Variants in PAGE4 observed in about 807,000 individuals in gnomAD.
PAGE4 encodes PAGE family member 4.
Under a neutral mutation model 8.5 loss-of-function variants are expected in PAGE4, and 1 was observed. That is an observed-to-expected ratio of 0.12 (90% CI 0.04 to 0.56). PAGE4 has a LOEUF of 0.56. Ranked by LOEUF, PAGE4 falls within the 20% of genes least tolerant of loss-of-function variation. The pLI is 0.91. For missense variants in PAGE4, 93 were observed against 82.7 expected (o/e 1.13, Z -0.49); for synonymous variants, 26 against 26.3 (o/e 0.99, Z 0.04).
chrX:49,830,711 GAA>G (rs1557156452), intron 2 of PAGE4: 6 of 431,997 alleles, frequency 1.4e-5, no homozygotes, highest in African/African-American at 2.5e-5. Flanking sequence ...TAAGAGTCTG[GAA>G]ATAGTCTTAT....
rs1923555421 is a variant in PAGE4, at chrX:49,834,055, A to G, written c.*193A>G. ...TTTAAAAAATCCTTGTGTTCTGTTT[A>G]GAGCTGGTATATATTTTTGTATACT... On this transcript the variant is annotated 3_prime_UTR_variant, in exon 5 of 5. Transcript: ENST00000218068. 1 of 401,112 alleles carries G rather than the reference A, an allele frequency of 2.5e-6. No individual in the cohort carries two copies. Among genetic ancestry groups the G allele is most frequent in the Admixed American group, 4.2e-5 (1 of 23,691 alleles). 33.1% of individuals were successfully genotyped at this position (401,112 alleles called of 1,213,427 possible). A position where few individuals can be genotyped will look rare whatever the true frequency, so the allele number is the denominator to read the frequency against.
intron 1 of PAGE4, chrX:49,830,012 ACT>A: frequency 8.8e-6 from 1 of 113,116 alleles, no homozygotes; most frequent in Middle Eastern, 4.4e-3. Flanking sequence ...CTTGGGGGGT[ACT>A]TTTTGAGGTA....
Position 49,834,015 on chromosome X carries a change from A to G in PAGE4, c.*153A>G. On this transcript the variant is annotated 3_prime_UTR_variant, in exon 5 of 5. Transcript: ENST00000218068. ...AATTTATTCCTAGGAAATTGACACTATTGTAAATGGTATCTTTAAAAAATC... is the reference window on the plus strand; with the variant it reads ...AATTTATTCCTAGGAAATTGACACTGTTGTAAATGGTATCTTTAAAAAATC... 1 of 441,235 alleles carries G rather than the reference A, an allele frequency of 2.3e-6. No individual in the cohort carries two copies. Among genetic ancestry groups the G allele is most frequent in the Admixed American group, 3.8e-5 (1 of 26,029 alleles). 36.4% of individuals were successfully genotyped at this position (441,235 alleles called of 1,213,427 possible).
At chrX:49,831,308 T>C (rs920278757) in intron 3 of PAGE4, 9 of 368,360 alleles carry the variant, frequency 2.4e-5, no homozygotes, top group African/African-American at 2.2e-4. Flanking sequence ...GAAAATACAA[T>C]CCTTGCCAAG....
At chrX:49,833,184 C>T (rs1557156806) in intron 4 of PAGE4, among the ~76,000 whole-genome samples, 1 of 111,489 alleles carries the variant, frequency 9.0e-6, no homozygotes, top group East Asian at 2.8e-4. Context: ...TTTTAACGTG[C>T]ATATCTGGCC....
At chrX:49,831,904 G>A (rs900576300) in intron 3 of PAGE4, among the ~76,000 whole-genome samples, 1 of 111,769 alleles carries the variant, frequency 8.9e-6, no homozygotes, top group Non-Finnish European at 1.9e-5. Flanking sequence ...ATAGTCCATT[G>A]CAGTTTTGTC....
chrX:49,833,832 T>C lies in PAGE4; in HGVS notation c.293-14T>C, dbSNP rs1557156872. The C allele has an allele frequency of 1.7e-6, 2 of 1,172,497 alleles. No homozygotes were observed. The highest frequency in any genetic ancestry group is 3.6e-5 in the South Asian group (2 of 55,136). On this transcript the variant is annotated splice_polypyrimidine_tract_variant and intron_variant, in intron 4 of 4. Transcript: ENST00000218068. ...TGCTAAGTAATGAACTCAACTGTTA[T>C]GTTTATATTTTAGGAGATGGGCAGC...
chrX:49,833,416 T>C (rs1923535630), intron 4 of PAGE4, among the ~76,000 whole-genome samples: 1 of 112,490 alleles, frequency 8.9e-6, no homozygotes, highest in Non-Finnish European at 1.9e-5. Flanking sequence ...TTTAGTCAGC[T>C]AAACAATTCC....
chrX:49,830,123 T>A (rs1557156344), intron 1 of PAGE4: 1 of 184,743 alleles, frequency 5.4e-6, no homozygotes, highest in Non-Finnish European at 9.9e-6. Context: ...TGGCTGTATA[T>A]TAAAAAATCT....
In PAGE4 at chrX:49,830,753, A is replaced by G. The variant is rs1197065190; in HGVS notation, c.79-244A>G. On this transcript the variant is annotated intron_variant, in intron 2 of 4. Coordinates refer to ENST00000218068, the MANE Select transcript of PAGE4 (RefSeq NM_007003.4). ...TTCCTATCATGCTTATTAATAAATA[A>G]TACAGCCCAGAGAAGATGAAAATGG... 4 of 430,761 alleles carry G rather than the reference A, an allele frequency of 9.3e-6. No individual in the cohort carries two copies. In the African/African-American group the frequency reaches 1.0e-4, roughly 11 times the overall value. The allele number at this position is 430,761 out of a possible 1,213,427, so 35.5% of individuals were successfully genotyped here. A position where few individuals can be genotyped will look rare whatever the true frequency, so the allele number is the denominator to read the frequency against.
At chrX:49,830,806 A>C in intron 2 of PAGE4, 191 bp from the exon 3 acceptor site, 2 of 443,034 alleles carry the variant, frequency 4.5e-6, no homozygotes, top group Non-Finnish European at 7.8e-6. Context: ...CCTTGCAGGT[A>C]ACTCCTTAAA....
At chrX:49,831,884 C>T (rs1557156651) in intron 3 of PAGE4, among the ~76,000 whole-genome samples, 2 of 111,826 alleles carry the variant, frequency 1.8e-5, no homozygotes, top group African/African-American at 3.2e-5. Context: ...ATTGAGAAAA[C>T]ATCTAATATA....
Position 49,834,064 on chromosome X carries a change from A to G in PAGE4, c.*202A>G, listed in dbSNP as rs1281240576. 1 of 385,945 alleles carries G rather than the reference A, an allele frequency of 2.6e-6. No homozygotes were observed. The highest frequency in any genetic ancestry group is 5.6e-5 in the South Asian group (1 of 17,777). 31.8% of individuals were successfully genotyped at this position (385,945 alleles called of 1,213,427 possible). A position where few individuals can be genotyped will look rare whatever the true frequency, so the allele number is the denominator to read the frequency against. On this transcript the variant is annotated 3_prime_UTR_variant, in exon 5 of 5. Transcript: ENST00000218068. ...TCCTTGTGTTCTGTTTAGAGCTGGT[A>G]TATATTTTTGTATACTGATTTTGTG... is the stretch of plus-strand genomic sequence containing the variant.
At chrX:49,831,330 G>A (rs1226454058) in intron 3 of PAGE4, 3 of 330,300 alleles carry the variant, frequency 9.1e-6, no homozygotes, top group Non-Finnish European at 1.5e-5. Flanking sequence ...CTCTATATTA[G>A]CAAACAAAAG....
intron 1 of PAGE4, chrX:49,830,132 C>A (rs183173834): frequency 4.9e-6 from 1 of 202,367 alleles, no homozygotes; most frequent in East Asian, 8.8e-5. Context: ...ATTAAAAAAT[C>A]TCTTCATAAT....
rs1312780534 is a variant in PAGE4 at position 49,830,510 on chromosome X, A to G, written c.78+4A>G. On this transcript the variant is annotated splice_donor_region_variant and intron_variant, in intron 2 of 4. Coordinates refer to ENST00000218068, the MANE Select transcript of PAGE4 (RefSeq NM_007003.4). ...CGATGTGGTTGCATTCGTGGCTGTG[A>G]GTACATTTCAGTATCTTATTTCCAT... 3 of 1,117,835 alleles carry G rather than the reference A, an allele frequency of 2.7e-6. No individual in the cohort carries two copies. The highest frequency in any genetic ancestry group is 3.9e-5 in the South Asian group (2 of 51,497). The allele number at this position is 1,117,835 out of a possible 1,213,427, so 92.1% of individuals were successfully genotyped here. A position where few individuals can be genotyped will look rare whatever the true frequency, so the allele number is the denominator to read the frequency against.
chrX:49,832,582 GTGGAGATGGCTCTGA>G lies in PAGE4; in HGVS notation c.227_241del (p.Gly76_Asp80del). 1 of 1,193,069 alleles carries G rather than the reference GTGGAGATGGCTCTGA, an allele frequency of 8.4e-7. No homozygotes were observed. The highest frequency in any genetic ancestry group is 3.0e-5 in the East Asian group (1 of 33,690). On this transcript the variant is annotated inframe_deletion, in exon 4 of 5. Transcript: ENST00000218068. ...GATCTGGAAAAGACTCGGAGTGAGCGTGGAGATGGCTCTGATGTAAAAGAGAAGACTCCACCTAAT... is the reference window on the plus strand; with the variant it reads ...GATCTGGAAAAGACTCGGAGTGAGCGTGTAAAAGAGAAGACTCCACCTAAT...
intron 3 of PAGE4, 66 bp downstream of exon 3, chrX:49,831,150 T>C: frequency 4.1e-6 from 3 of 739,708 alleles, no homozygotes; most frequent in Non-Finnish European, 6.0e-6. Context: ...CAGGAATAAA[T>C]AAACCATCCC....
At position 49,831,059 on chromosome X, in the gene PAGE4, G is replaced by A. The variant is rs782530221; in HGVS notation, c.141G>A (p.Glu47=). The part of the protein sequence containing the change: ...TDNQDIEPGQ[E]REGTPPIEER... Reference sequence around the variant, plus strand: ...ATCAGGATATTGAACCTGGACAAGAGAGAGAAGGAACACCTCCGATCGAAG... The same window carrying A: ...ATCAGGATATTGAACCTGGACAAGAAAGAGAAGGAACACCTCCGATCGAAG... Residue 47 remains glutamate, a synonymous_variant, in exon 3 of 5, where the codon GAG becomes GAA. Transcript: ENST00000218068. The A allele has an allele frequency of 1.7e-6, 2 of 1,183,980 alleles. No homozygotes were observed. The highest frequency in any genetic ancestry group is 6.0e-5 in the East Asian group (2 of 33,243).
Sources: allele counts gnomAD v4.1 joint callset (sites outside exome capture counted in the v4.1 genomes callset), GRCh38; gene constraint gnomAD v4.1.1; transcripts MANE v1.5; gene names NCBI Gene and HGNC (gene_info 2026-07-23, HGNC 2026-07-21).